Variants in FAF1 observed in about 807,000 individuals in gnomAD.
FAF1 encodes FAS-associated factor 1.
In FAF1, 25 loss-of-function variants were observed where a neutral mutation model predicts 92.5. The observed-to-expected ratio is 0.27, with a 90% CI of 0.20 to 0.38. FAF1 has a LOEUF of 0.38. FAF1 is among the 10% of genes least tolerant of loss of function. The pLI is 1.00. For missense variants in FAF1, 636 were observed against 793.3 expected (o/e 0.80, Z 2.38); for synonymous variants, 234 against 273.2 (o/e 0.86, Z 1.42).
intron 4 of FAF1, among the ~76,000 whole-genome samples, chr1:50,754,964 C>G (rs1660018200): frequency 6.6e-6 from 1 of 152,082 alleles, no homozygotes; most frequent in African/African-American, 2.4e-5. Context: ...TCAATTACCT[C>G]CCACAAGGTC....
chr1:50,954,529 A>T (rs7525924), intron 1 of FAF1, among the ~76,000 whole-genome samples: 8 of 135,852 alleles, frequency 5.9e-5, no homozygotes, highest in Non-Finnish European at 1.1e-4. Context: ...ATAAAAAAAT[A>T]AAAAATTTTG....
At chr1:50,786,450 G>A (rs1189742807) in intron 4 of FAF1, among the ~76,000 whole-genome samples, 1 of 152,188 alleles carries the variant, frequency 6.6e-6, no homozygotes, top group East Asian at 1.9e-4. Flanking sequence ...GGAGTTTGAG[G>A]GAGGGGAAAA....
intron 7 of FAF1, among the ~76,000 whole-genome samples, chr1:50,687,544 G>A (rs1656723289): frequency 6.6e-6 from 1 of 152,052 alleles, no homozygotes; most frequent in Non-Finnish European, 1.5e-5. Flanking sequence ...GATGTCAGGA[G>A]TTCGAGACCA....
chr1:50,507,592 C>T (rs59622625), intron 15 of FAF1, among the ~76,000 whole-genome samples: 23,271 of 152,088 alleles, frequency 0.15, 2,649 homozygotes, highest in African/African-American at 0.33. Flanking sequence ...AAAAATTAGC[C>T]TGTAGTCCTA....
intron 14 of FAF1, 75 bp downstream of exon 14, chr1:50,539,517 G>A (rs1648658240): frequency 3.0e-6 from 3 of 1,006,054 alleles, no homozygotes; most frequent in Non-Finnish European, 4.2e-6. Context: ...TAGAAATATT[G>A]TCAGCTTGGG....
intron 7 of FAF1, among the ~76,000 whole-genome samples, chr1:50,656,851 C>G (rs1448104754): frequency 6.6e-6 from 1 of 151,994 alleles, no homozygotes; most frequent in African/African-American, 2.4e-5. Context: ...CCACTGCGCT[C>G]CAGCCTGGGC....
chr1:50,529,046 G>A (rs967154140), intron 15 of FAF1, among the ~76,000 whole-genome samples: 1 of 152,168 alleles, frequency 6.6e-6, no homozygotes, highest in Non-Finnish European at 1.5e-5. Flanking sequence ...TCAGTAGGCT[G>A]TTAGTAGTTA....
At position 50,584,623 on chromosome 1, in the gene FAF1, A is replaced by G. The variant is rs575493791; in HGVS notation, c.967+62T>C. The stretch of plus-strand genomic sequence containing the variant: ...GAGATGTTTAAGTTTAATGTTCTTC[A>G]TAAGTTTGTGTACTAGAAGAAAGAA... On this transcript the variant is annotated intron_variant, in intron 10 of 18. Coordinates refer to ENST00000396153, the MANE Select transcript of FAF1 (RefSeq NM_007051.3). 4.9e-5 allele frequency: 74 copies of G among 1,524,902 alleles called. 1 individual carries two copies. The highest frequency in any genetic ancestry group is 5.6e-5 in the Non-Finnish European group (63 of 1,117,378). 94.5% of individuals were successfully genotyped at this position (1,524,902 alleles called of 1,614,324 possible).
chr1:50,492,014 C>A (rs1646844074), intron 15 of FAF1, among the ~76,000 whole-genome samples: 1 of 152,192 alleles, frequency 6.6e-6, no homozygotes, highest in Non-Finnish European at 1.5e-5. Context: ...CCTAACTCTA[C>A]AAACTGTGTG....
Position 50,475,570 on chromosome 1 carries a change from C to T in FAF1, c.1763G>A (p.Arg588Gln), listed in dbSNP as rs1646628646. 1.9e-6 allele frequency: 3 copies of T among 1,614,066 alleles called. No homozygotes were observed. The highest frequency in any genetic ancestry group is 2.5e-6 in the Non-Finnish European group (3 of 1,179,968). Residue 588 changes from arginine (R) to glutamine (Q), a missense_variant, in exon 18 of 19, where the codon CGG becomes CAG. Physicochemically the swap from Arg to Gln is conservative, Grantham distance 43. Transcript: ENST00000396153. ...IRTPSGEFLERRFLASNKLQI... is the reference protein window; with the variant it reads ...IRTPSGEFLEQRFLASNKLQI... ...GAGCTTGTTGCTGGCCAGGAAACGC[C>T]GCTCCAAGAACTCGCCACTGGGGGT...
chr1:50,949,975 T>C (rs1645201534), intron 1 of FAF1, among the ~76,000 whole-genome samples: 1 of 152,120 alleles, frequency 6.6e-6, no homozygotes, highest in African/African-American at 2.4e-5. Context: ...TACAAGCACA[T>C]GCTATCACAC....
intron 4 of FAF1, among the ~76,000 whole-genome samples, chr1:50,784,426 GA>G: frequency 6.6e-6 from 1 of 152,084 alleles, no homozygotes; most frequent in Non-Finnish European, 1.5e-5. Context: ...AGAAAATTAA[GA>G]AAACAGTCCC....
chr1:50,744,728 T>G lies in FAF1; in HGVS notation c.415A>C (p.Lys139Gln), dbSNP rs201808082. 402 of 1,611,616 alleles carry G rather than the reference T, an allele frequency of 2.5e-4. No individual in the cohort carries two copies. The highest frequency in any genetic ancestry group is 1.9e-4 in the Non-Finnish European group (223 of 1,178,798). Residue 139 changes from lysine (K) to glutamine (Q), a missense_variant, in exon 5 of 19, where the codon AAA becomes CAA. Physicochemically the swap from Lys to Gln is moderately conservative, Grantham distance 53. Coordinates refer to ENST00000396153, the MANE Select transcript of FAF1 (RefSeq NM_007051.3). ...GTCTTCCAGCCTTTTAACAGCATTT[T>G]GGACACAGGTATCTGAAGTTCATTT... Reference protein sequence around the residue: ...LENELQIPVSKMLLKGWKTGD... With the variant: ...LENELQIPVSQMLLKGWKTGD...
chr1:50,633,283 T>G (rs571715150), intron 8 of FAF1, among the ~76,000 whole-genome samples: 1 of 152,366 alleles, frequency 6.6e-6, no homozygotes, highest in African/African-American at 2.4e-5. Flanking sequence ...TACATATGGT[T>G]GGCGAACATG....
intron 2 of FAF1, among the ~76,000 whole-genome samples, chr1:50,820,744 T>C (rs1644035852): frequency 6.6e-6 from 1 of 152,122 alleles, no homozygotes; most frequent in African/African-American, 2.4e-5. Flanking sequence ...GTCACACAGA[T>C]GTTGGTCTTT....
At chr1:50,888,795 T>C (rs1644692571) in intron 1 of FAF1, among the ~76,000 whole-genome samples, 1 of 152,202 alleles carries the variant, frequency 6.6e-6, no homozygotes, top group African/African-American at 2.4e-5. Flanking sequence ...TTTGCATTGA[T>C]GTTCATCAGG....
chr1:50,826,743 T>A (rs899227669), intron 2 of FAF1, among the ~76,000 whole-genome samples: 1 of 152,056 alleles, frequency 6.6e-6, no homozygotes, highest in African/African-American at 2.4e-5. Flanking sequence ...ATATGAAAAT[T>A]TAGATAGACA....
rs1646155284 is a variant in FAF1 at position 50,440,278 on chromosome 1, GA to G, written c.*1161del. 6.6e-6 allele frequency: 1 copy of G among 152,164 alleles called. No homozygotes were observed. The highest frequency in any genetic ancestry group is 2.1e-4 in the South Asian group (1 of 4,822). 9.4% of individuals were successfully genotyped at this position (152,164 alleles called of 1,614,324 possible). ...CCCAAACCCCAAATCTGTAGATTAAGAAAAATCCACACTTACTAAATCAAAT... is the reference window on the plus strand; with the variant it reads ...CCCAAACCCCAAATCTGTAGATTAAGAAAATCCACACTTACTAAATCAAAT... On this transcript the variant is annotated 3_prime_UTR_variant, in exon 19 of 19. Transcript: ENST00000396153.
chr1:50,503,590 G>C (rs1391505033), intron 15 of FAF1, among the ~76,000 whole-genome samples: 5 of 151,050 alleles, frequency 3.3e-5, no homozygotes, highest in African/African-American at 4.9e-5. Context: ...ATTCCAGCCT[G>C]GGCAACAGAG....
Sources: gnomAD v4.1 joint callset for allele counts (sites outside exome capture counted in the v4.1 genomes callset) on GRCh38, gnomAD v4.1.1 for gene constraint, MANE v1.5 for transcripts, NCBI Gene and HGNC (gene_info 2026-07-23, HGNC 2026-07-21) for gene names.